RYR2: variants seen among roughly 807,000 people sequenced by gnomAD.
RYR2 encodes the protein ryanodine receptor 2.
Under a neutral mutation model 601.1 loss-of-function variants are expected in RYR2, and 227 were observed. That is an observed-to-expected ratio of 0.38 (90% confidence interval 0.34 to 0.42). RYR2 has a LOEUF of 0.42. Ranked by LOEUF, RYR2 falls within the 10% of genes least tolerant of loss-of-function variation. The probability of loss-of-function intolerance (pLI) is 1.00; values close to 1 mark genes in which losing one functional copy is unlikely to be tolerated. For synonymous variants in RYR2, 2,223 were observed against 2,175.1 expected (o/e 1.02, Z -0.61); for missense variants, 4,646 against 6,156.5 (o/e 0.75, Z 8.21).
intron 1 of RYR2, among the ~76,000 whole-genome samples, chr1:237,148,523 A>ATATATATATAT (rs1316106371): frequency 6.2e-5 from 3 of 48,294 alleles, no homozygotes; most frequent in Non-Finnish European, 1.3e-4. Context: ...AGTAAAAAAA[A>ATATATATATAT]AAAAATATAT....
chr1:237,674,446 C>A (rs1181036136), intron 59 of RYR2, among the ~76,000 whole-genome samples: 1 of 151,942 alleles, frequency 6.6e-6, no homozygotes, highest in Non-Finnish European at 1.5e-5. Context: ...ATCATTTAGG[C>A]AAAATCCCCA....
At chr1:237,171,334 A>T (rs1307211087) in intron 1 of RYR2, among the ~76,000 whole-genome samples, 2 of 152,172 alleles carry the variant, frequency 1.3e-5, no homozygotes, top group African/African-American at 2.4e-5. Context: ...AGTAGTTGCT[A>T]AATGATTGAT....
At chr1:237,296,226 G>A (rs1487738809) in intron 2 of RYR2, among the ~76,000 whole-genome samples, 2 of 152,178 alleles carry the variant, frequency 1.3e-5, no homozygotes, top group Non-Finnish European at 2.9e-5. Flanking sequence ...ATATGATGTG[G>A]AAGAGATAGT....
chr1:237,648,842 TATG>T (rs1682433688), intron 49 of RYR2, among the ~76,000 whole-genome samples: 1 of 152,158 alleles, frequency 6.6e-6, no homozygotes, highest in Admixed American at 6.5e-5. Context: ...CCAAAAAGAA[TATG>T]ATAAGAATTC....
chr1:237,268,854 T>C (rs2149339896), intron 1 of RYR2, among the ~76,000 whole-genome samples: 4 of 131,758 alleles, frequency 3.0e-5, no homozygotes, highest in Middle Eastern at 0.01. Flanking sequence ...GAGAATGGCT[T>C]GAACCCAGGA....
Position 237,355,988 on chromosome 1 carries a change from A to T in RYR2, c.294+3A>T. 1 of 1,606,184 alleles carries T rather than the reference A, an allele frequency of 6.2e-7. No homozygotes were observed. The highest frequency in any genetic ancestry group is 8.5e-7 in the Non-Finnish European group (1 of 1,175,608). The stretch of plus-strand genomic sequence containing the variant: ...AGCAAGTTGATGTGGAAAAATGGGT[A>T]TGTGTTTCCATGTATTTGCAAAGAA... On this transcript the variant is annotated splice_donor_region_variant and intron_variant, in intron 4 of 104. Transcript: ENST00000366574.
At chr1:237,707,455 T>TA (rs1373346492) in intron 68 of RYR2, among the ~76,000 whole-genome samples, 186 bp downstream of exon 68, 1 of 152,228 alleles carries the variant, frequency 6.6e-6, no homozygotes, top group African/African-American at 2.4e-5. Context: ...GTTAAATAGT[T>TA]ACTACTTTTA....
intron 24 of RYR2, among the ~76,000 whole-genome samples, chr1:237,523,888 C>T (rs1362100940): frequency 8.9e-6 from 1 of 112,476 alleles, no homozygotes; most frequent in Admixed American, 8.9e-5. Context: ...AATAAAATGG[C>T]TATAATTTTT....
Position 237,795,836 on chromosome 1 carries a change from G to GTATATATATATATA in RYR2, c.13956+518_13956+519insATATATATATATAT, listed in dbSNP as rs1553329286. 4.6e-3 allele frequency among the ~76,000 whole-genome samples: 613 copies of GTATATATATATATA among 132,618 alleles called. 6 individuals are homozygous for GTATATATATATATA. The highest frequency in any genetic ancestry group is 0.014 in the South Asian group (60 of 4,168). 87.0% of individuals were successfully genotyped at this position (132,618 alleles called of 152,430 possible). A position where few individuals can be genotyped will look rare whatever the true frequency, so the allele number is the denominator to read the frequency against. On this transcript the variant is annotated intron_variant, in intron 96 of 104. Transcript: ENST00000366574. ...TATACAGGTATGTATGTGTGTGTGTGTATATATATATATGTATATGTATAT... is the reference window on the plus strand; with the variant it reads ...TATACAGGTATGTATGTGTGTGTGTGTATATATATATATATATATATATATATGTATATGTATAT...
intron 1 of RYR2, among the ~76,000 whole-genome samples, chr1:237,178,307 C>T (rs978930081): frequency 1.3e-5 from 2 of 152,042 alleles, no homozygotes; most frequent in East Asian, 3.9e-4. Flanking sequence ...ATTCTCTTTC[C>T]GGAGTTCTTT....
At chr1:237,044,950 CTTCTTCTT>C (rs1660385840) in intron 1 of RYR2, among the ~76,000 whole-genome samples, 1 of 106,644 alleles carries the variant, frequency 9.4e-6, no homozygotes, top group South Asian at 2.5e-4. Flanking sequence ...ATTTCTTCTT[CTTCTTCTT>C]TTTTTTTTTT....
intron 1 of RYR2, among the ~76,000 whole-genome samples, chr1:237,077,767 C>T (rs1265935596): frequency 2.0e-5 from 3 of 152,236 alleles, no homozygotes; most frequent in Non-Finnish European, 2.9e-5. Flanking sequence ...AGCTCTGCAC[C>T]AAGCGGACCT....
chr1:237,805,572 C>CTATTTTTTTTTTTTTTTTTTTT (rs1491315093), intron 98 of RYR2, among the ~76,000 whole-genome samples: 5 of 99,028 alleles, frequency 5.0e-5, no homozygotes, highest in South Asian at 4.0e-4. Context: ...CAGAGCTAGA[C>CTATTTTTTTTTTTTTTTTTTTT]TCTGTCTCAA....
At chr1:237,820,665 C>T (rs912543171) in intron 101 of RYR2, among the ~76,000 whole-genome samples, 3 of 152,110 alleles carry the variant, frequency 2.0e-5, no homozygotes, top group African/African-American at 4.8e-5. Context: ...GGGATGCCAG[C>T]GAGACAGAAC....
intron 1 of RYR2, among the ~76,000 whole-genome samples, chr1:237,044,776 C>T (rs1449218880): frequency 7.0e-6 from 1 of 143,020 alleles, no homozygotes; most frequent in African/African-American, 2.4e-5. Flanking sequence ...CCTTCCCTCC[C>T]CCACCCCCCT....
At chr1:237,600,920 T>C (rs1283128904) in intron 34 of RYR2, among the ~76,000 whole-genome samples, 5 of 152,064 alleles carry the variant, frequency 3.3e-5, no homozygotes, top group South Asian at 2.1e-4. Context: ...ATGGCTATTA[T>C]CAAAAAGACA....
intron 1 of RYR2, among the ~76,000 whole-genome samples, chr1:237,157,421 A>G (rs1232792859): frequency 2.0e-5 from 3 of 152,186 alleles, no homozygotes; most frequent in Non-Finnish European, 4.4e-5. Context: ...AGTATATCTA[A>G]GATATCTGCA....
At chr1:237,143,561 C>T (rs889569151) in intron 1 of RYR2, among the ~76,000 whole-genome samples, 44 of 152,146 alleles carry the variant, frequency 2.9e-4, no homozygotes, top group African/African-American at 9.4e-4. Flanking sequence ...CACGCTTTCA[C>T]GGGGCAGAAC....
intron 14 of RYR2, among the ~76,000 whole-genome samples, chr1:237,451,678 G>T (rs1197070652): frequency 6.6e-6 from 1 of 151,404 alleles, no homozygotes; most frequent in Non-Finnish European, 1.5e-5. Flanking sequence ...GCATTTTAAA[G>T]AGCATATGCT....
Sources: allele counts gnomAD v4.1 joint callset (sites outside exome capture counted in the v4.1 genomes callset), GRCh38; gene constraint gnomAD v4.1.1; transcripts MANE v1.5; gene names NCBI Gene and HGNC (gene_info 2026-07-23, HGNC 2026-07-21).